Variants in XRCC5 observed in about 807,000 individuals in gnomAD.
XRCC5 encodes X-ray repair cross complementing 5.
XRCC5 carries 12 observed loss-of-function variants against 95.7 expected under a neutral mutation model. The ratio of observed to expected loss-of-function variants is 0.13; its 90% CI spans 0.08 to 0.20. The LOEUF (loss-of-function observed/expected upper bound fraction) is 0.20, where lower values mean the gene tolerates loss of function less well. Among genes scored for constraint, XRCC5 ranks in the 10% least tolerant of loss-of-function variants. The pLI is 1.00. For missense variants in XRCC5, 595 were observed against 873.9 expected, an observed-to-expected ratio of 0.68 and a Z score of 4.02; for synonymous variants, 281 against 290.3, an observed-to-expected ratio of 0.97 and a Z score of 0.33.
chr2:216,119,249 T>G, intron 5 of XRCC5, 84 bp downstream of exon 5: 1 of 1,489,484 alleles, frequency 6.7e-7, no homozygotes, highest in Non-Finnish European at 9.1e-7. Context: ...AGTACTTGGT[T>G]TATGGGAATT....
intron 17 of XRCC5, 145 bp downstream of exon 17, chr2:216,190,479 A>T (rs1480002846): frequency 1.9e-5 from 11 of 582,694 alleles, no homozygotes; most frequent in Admixed American, 3.4e-5. Flanking sequence ...TGGAGCTAAA[A>T]ATGACTTAAA....
chr2:216,160,133 C>G lies in XRCC5; in HGVS notation c.1736C>G (p.Ser579Cys), dbSNP rs759719509. The change falls in exon 15 of 21, where the codon TCC (serine) becomes TGC (cysteine). Residue 579 changes from serine (S) to cysteine (C), a missense_variant. Ser to Cys is a moderately radical substitution (Grantham distance 112). This residue lies in a region of XRCC5 where 309 missense variants were observed against 382.9 expected (regional missense o/e 0.81). Transcript: ENST00000392132. ...CAAGGGGGAGCCCACTTCAGCGTCTCCAGTCTGGCTGAAGGCAGTGTCACC... is the reference window on the plus strand; with the variant it reads ...CAAGGGGGAGCCCACTTCAGCGTCTGCAGTCTGGCTGAAGGCAGTGTCACC... ...TEQGGAHFSVSSLAEGSVTSV... is the reference protein window; with the variant it reads ...TEQGGAHFSVCSLAEGSVTSV... 2.5e-6 allele frequency: 4 copies of G among 1,608,650 alleles called. No individual in the cohort carries two copies. The highest frequency in any genetic ancestry group is 1.3e-5 in the African/African-American group (1 of 74,566).
chr2:216,131,462 T>C (rs922430397), intron 9 of XRCC5, among the ~76,000 whole-genome samples: 1 of 152,224 alleles, frequency 6.6e-6, no homozygotes, highest in Non-Finnish European at 1.5e-5. Context: ...TCTTGGTAGA[T>C]AAGTGCAGGT....
At chr2:216,175,619 A>G (rs1049495182) in intron 16 of XRCC5, 4 of 406,892 alleles carry the variant, frequency 9.8e-6, no homozygotes, top group Admixed American at 9.1e-5. Flanking sequence ...CTGAAACTGT[A>G]TCTACTTTAA....
chr2:216,175,720 AC>A, intron 16 of XRCC5: 1 of 441,582 alleles, frequency 2.3e-6, no homozygotes, highest in Middle Eastern at 4.4e-4. Flanking sequence ...TCCACTCCAC[AC>A]CCATCAACCT....
At chr2:216,118,058 C>T (rs887158855) in intron 4 of XRCC5, among the ~76,000 whole-genome samples, 1 of 152,062 alleles carries the variant, frequency 6.6e-6, no homozygotes, top group Admixed American at 6.6e-5. Context: ...TAGACTTAAG[C>T]TGATTACCAG....
chr2:216,144,637 A>G (rs924762367), intron 13 of XRCC5, among the ~76,000 whole-genome samples: 1 of 152,238 alleles, frequency 6.6e-6, no homozygotes, highest in African/African-American at 2.4e-5. Flanking sequence ...GGTGGAAAAG[A>G]TAATTCATTT....
chr2:216,109,584 C>A, intron 1 of XRCC5, 127 bp downstream of exon 1: 1 of 1,411,570 alleles, frequency 7.1e-7, no homozygotes. Flanking sequence ...TGGTGGTGGG[C>A]TCAGTCAGGA....
At chr2:216,204,024 C>T in intron 19 of XRCC5, 1 of 327,700 alleles carries the variant, frequency 3.1e-6, no homozygotes, top group East Asian at 5.6e-5. Context: ...AGCAGATGTC[C>T]ACCATGCTTA....
chr2:216,198,770 C>G (rs1334575219), intron 19 of XRCC5, among the ~76,000 whole-genome samples: 3 of 152,128 alleles, frequency 2.0e-5, no homozygotes, highest in Admixed American at 2.0e-4. Context: ...CAAGGCTGTT[C>G]TCAAACTCCT....
chr2:216,197,328 G>A (rs554182380), intron 19 of XRCC5, among the ~76,000 whole-genome samples: 1 of 151,402 alleles, frequency 6.6e-6, no homozygotes, highest in East Asian at 2.0e-4. Context: ...GTTAGTTGTA[G>A]TTTAAGACAA....
intron 10 of XRCC5, among the ~76,000 whole-genome samples, chr2:216,134,121 A>G (rs1007101754): frequency 1.3e-5 from 2 of 152,232 alleles, no homozygotes; most frequent in Admixed American, 1.3e-4. Flanking sequence ...GTTTACAATA[A>G]AAGTCTTTAT....
At position 216,130,578 on chromosome 2, in the gene XRCC5, A is replaced by G. The variant is rs1407128976; in HGVS notation, c.938-297A>G. The G allele has an allele frequency of 3.9e-5, 9 of 230,928 alleles. 1 individual carries two copies. In the South Asian group the frequency reaches 1.2e-3, roughly 30 times the overall value. 14.3% of individuals were successfully genotyped at this position (230,928 alleles called of 1,614,324 possible). A position where few individuals can be genotyped will look rare whatever the true frequency, so the allele number is the denominator to read the frequency against. Reference sequence around the variant, plus strand: ...TTTGGAGGATAACTAGTACGTTAACATTTGCCAGATTTTTTCTTTTAGGCT... The same window carrying G: ...TTTGGAGGATAACTAGTACGTTAACGTTTGCCAGATTTTTTCTTTTAGGCT... On this transcript the variant is annotated intron_variant, in intron 8 of 20. Coordinates refer to ENST00000392132, the MANE Select transcript of XRCC5 (RefSeq NM_021141.4).
intron 14 of XRCC5, among the ~76,000 whole-genome samples, chr2:216,154,662 G>A (rs181460901): frequency 9.2e-5 from 14 of 152,334 alleles, no homozygotes; most frequent in African/African-American, 1.7e-4. Context: ...AAGACAGAGA[G>A]TGCAGTGAAC....
intron 15 of XRCC5, 79 bp from the exon 16 acceptor site, chr2:216,161,900 T>A: frequency 8.5e-7 from 1 of 1,169,598 alleles, no homozygotes; most frequent in East Asian, 2.4e-5. Context: ...ACTTATTACA[T>A]TAAGCCATCT....
intron 14 of XRCC5, 50 bp from the exon 15 acceptor site, chr2:216,160,018 T>G: frequency 1.0e-6 from 1 of 963,844 alleles, no homozygotes; most frequent in Non-Finnish European, 1.5e-6. Flanking sequence ...ACAATAGCAA[T>G]CTGGTTTTGT....
In XRCC5 at chr2:216,117,633, G is replaced by A. The variant is rs184173108; in HGVS notation, c.320-113G>A. The A allele has an allele frequency of 1.9e-5, 20 of 1,025,744 alleles. No homozygotes were observed. In the African/African-American group the frequency reaches 2.1e-4, roughly 11 times the overall value. 63.5% of individuals were successfully genotyped at this position (1,025,744 alleles called of 1,614,324 possible). On this transcript the variant is annotated intron_variant, in intron 3 of 20. Coordinates refer to ENST00000392132, the MANE Select transcript of XRCC5 (RefSeq NM_021141.4). ...AAGGGCACTCAGGCAAGTACTTTAAGTCATCACATAGTTCAGTGTCCACAA... is the reference window on the plus strand; with the variant it reads ...AAGGGCACTCAGGCAAGTACTTTAAATCATCACATAGTTCAGTGTCCACAA...
chr2:216,151,972 G>A (rs1688753746), intron 14 of XRCC5, among the ~76,000 whole-genome samples: 1 of 152,192 alleles, frequency 6.6e-6, no homozygotes, highest in South Asian at 2.1e-4. Flanking sequence ...ATCTTATGTG[G>A]CAGCAGGCAA....
chr2:216,138,225 T>C (rs750010218), intron 12 of XRCC5, 46 bp downstream of exon 12: 8 of 1,535,034 alleles, frequency 5.2e-6, no homozygotes, highest in Non-Finnish European at 7.2e-6. Context: ...CACACACTGT[T>C]CTTGGGAAAT....
Sources: gnomAD v4.1 joint callset for allele counts (sites outside exome capture counted in the v4.1 genomes callset) on GRCh38, gnomAD v4.1.1 for gene constraint, gnomAD v4.1.1 regional missense constraint, MANE v1.5 for transcripts, NCBI Gene and HGNC (gene_info 2026-07-23, HGNC 2026-07-21) for gene names.